ZNF382: variants seen among roughly 807,000 people sequenced by gnomAD.
ZNF382 encodes the protein KRAB/zinc finger suppressor protein 1.
In ZNF382, 20 loss-of-function variants were observed where a neutral mutation model predicts 38.8. The observed-to-expected ratio is 0.51, with a 90% confidence interval of 0.36 to 0.75. ZNF382 has a LOEUF of 0.75. ZNF382 is among the 30% of genes least tolerant of loss of function. ZNF382 has a pLI of 0.00. For synonymous variants in ZNF382, 202 were observed against 223.1 expected (o/e 0.91, Z 0.84); for missense variants, 546 against 654.1 (o/e 0.83, Z 1.80).
chr19:36,618,768 T>C (rs1026924233), intron 4 of ZNF382, among the ~76,000 whole-genome samples: 1 of 152,094 alleles, frequency 6.6e-6, no homozygotes, highest in African/African-American at 2.4e-5. Flanking sequence ...CCGGGCACAG[T>C]GGTTCATGTC....
At chr19:36,613,922 C>A (rs1488911391) in intron 4 of ZNF382, among the ~76,000 whole-genome samples, 1 of 152,316 alleles carries the variant, frequency 6.6e-6, no homozygotes, top group African/African-American at 2.4e-5. Context: ...TATTTTTGGA[C>A]AATCTGTTGT....
chr19:36,614,860 ATTTCTTTC>A (rs199859076), intron 4 of ZNF382, among the ~76,000 whole-genome samples: 1 of 137,196 alleles, frequency 7.3e-6, no homozygotes, highest in Non-Finnish European at 1.6e-5. Context: ...GCAATGAACC[ATTTCTTTC>A]TTTCTTTCTT....
At chr19:36,622,334 A>C (rs770925600) in intron 4 of ZNF382, among the ~76,000 whole-genome samples, 32 of 152,012 alleles carry the variant, frequency 2.1e-4, no homozygotes, top group Non-Finnish European at 4.0e-4. Context: ...CAGGTTTGAT[A>C]ATTTGCTGAA....
Position 36,628,444 on chromosome 19 carries a change from G to C in ZNF382, c.*894G>C, listed in dbSNP as rs1272530738. On this transcript the variant is annotated 3_prime_UTR_variant, in exon 5 of 5. Coordinates refer to ENST00000292928, the MANE Select transcript of ZNF382 (RefSeq NM_032825.5). ...AACAGCTATAAATTTTATCAATATG[G>C]TGCTGGTTCAAACCAGAGAATTCAT... is the stretch of plus-strand genomic sequence containing the variant. 1 of 153,034 alleles carries C rather than the reference G, an allele frequency of 6.5e-6. No individual in the cohort carries two copies. The highest frequency in any genetic ancestry group is 1.5e-5 in the Non-Finnish European group (1 of 68,128). The allele number at this position is 153,034 out of a possible 1,614,324, so 9.5% of individuals were successfully genotyped here. A position where few individuals can be genotyped will look rare whatever the true frequency, so the allele number is the denominator to read the frequency against.
At chr19:36,617,575 AT>A (rs1164560661) in intron 4 of ZNF382, among the ~76,000 whole-genome samples, 1 of 152,214 alleles carries the variant, frequency 6.6e-6, no homozygotes. Flanking sequence ...GAAAAACATT[AT>A]CCTGACACTT....
intron 2 of ZNF382, chr19:36,608,889 T>A (rs2037055319): frequency 6.6e-6 from 1 of 152,262 alleles, no homozygotes; most frequent in Non-Finnish European, 1.5e-5. Flanking sequence ...ACAGCCAATT[T>A]ACGACCATCT....
chr19:36,620,052 A>C (rs2037156977), intron 4 of ZNF382, among the ~76,000 whole-genome samples: 1 of 152,026 alleles, frequency 6.6e-6, no homozygotes, highest in Non-Finnish European at 1.5e-5. Flanking sequence ...TCTTAAACCT[A>C]TCAGAAAAAT....
rs1279948137 is a variant in ZNF382, at chr19:36,627,633, G to GT, written c.*86dup. 2.0e-6 allele frequency: 2 copies of GT among 1,008,010 alleles called. No individual in the cohort carries two copies. Among genetic ancestry groups the GT allele is most frequent in the East Asian group, 5.1e-5 (2 of 39,204 alleles). 62.4% of individuals were successfully genotyped at this position (1,008,010 alleles called of 1,614,324 possible). ...TTGCTTGCAAGCGTAATATCCAACA[G>GT]TTTAAGGTACTATACCACATGGTAA... On this transcript the variant is annotated 3_prime_UTR_variant, in exon 5 of 5. Coordinates refer to ENST00000292928, the MANE Select transcript of ZNF382 (RefSeq NM_032825.5).
rs1305551975 is a variant in ZNF382, at chr19:36,626,182, C to T, written c.285C>T (p.Asp95=). The part of the protein sequence containing the change: ...DVLVKFKEYQ[D]RHSRPLIFIN... ...TAGTGAAGTTCAAAGAATACCAAGA[C>T]AGGCATTCTAGACCCCTCATATTCA... Residue 95 remains aspartate (D), a synonymous_variant, in exon 5 of 5, where the codon GAC becomes GAT. Transcript: ENST00000292928. The T allele has an allele frequency of 3.2e-6, 5 of 1,574,126 alleles. No individual in the cohort carries two copies. In the East Asian group the frequency reaches 1.1e-4, roughly 35 times the overall value.
chr19:36,626,811 T>G lies in ZNF382; in HGVS notation c.914T>G (p.Phe305Cys). Residue 305 changes from phenylalanine to cysteine, a missense_variant, in exon 5 of 5, where the codon TTT (phenylalanine) becomes TGT (cysteine). Physicochemically the swap from Phe to Cys is radical, Grantham distance 205 (BLOSUM62 -2). Coordinates refer to ENST00000292928, the MANE Select transcript of ZNF382 (RefSeq NM_032825.5). ...PFHCPYCGNN[F>C]RRKSYLIEHQ... ...CACTGTCCTTACTGTGGGAATAACT[T>G]TAGAAGGAAGTCATACCTCATTGAA... 1 of 1,614,234 alleles carries G rather than the reference T, an allele frequency of 6.2e-7. No homozygotes were observed. The highest frequency in any genetic ancestry group is 8.5e-7 in the Non-Finnish European group (1 of 1,180,042).
At chr19:36,617,141 G>A (rs2037132106) in intron 4 of ZNF382, among the ~76,000 whole-genome samples, 1 of 152,170 alleles carries the variant, frequency 6.6e-6, no homozygotes, top group South Asian at 2.1e-4. Flanking sequence ...CAACTGAGAA[G>A]TTCCCATGGG....
intron 2 of ZNF382, 127 bp downstream of exon 2, chr19:36,607,749 C>A: frequency 2.0e-6 from 2 of 1,009,268 alleles, no homozygotes; most frequent in African/African-American, 1.6e-5. Context: ...CAGTCAGGGC[C>A]AGATTAGGCT....
chr19:36,611,605 CA>C (rs2037078641), intron 4 of ZNF382, among the ~76,000 whole-genome samples: 1 of 152,132 alleles, frequency 6.6e-6, no homozygotes, highest in Non-Finnish European at 1.5e-5. Flanking sequence ...CTGCTATGAA[CA>C]TGGGTGTACA....
At position 36,631,435 on chromosome 19, in the gene ZNF382, TG is replaced by T. The variant is rs1393625932; in HGVS notation, c.*3887del. 1.3e-5 allele frequency: 2 copies of T among 152,028 alleles called. No homozygotes were observed. Among genetic ancestry groups the T allele is most frequent in the African/African-American group, 4.8e-5 (2 of 41,374 alleles). 9.4% of individuals were successfully genotyped at this position (152,028 alleles called of 1,614,324 possible). ...CAGAGTCTCACTCTGTCGCCCAGGCTGGTGTGCAGTGGTGTGATCTCGGCTC... is the reference window on the plus strand; with the variant it reads ...CAGAGTCTCACTCTGTCGCCCAGGCTGTGTGCAGTGGTGTGATCTCGGCTC... On this transcript the variant is annotated 3_prime_UTR_variant, in exon 5 of 5. Transcript: ENST00000292928.
chr19:36,619,318 T>C (rs991041184), intron 4 of ZNF382, among the ~76,000 whole-genome samples: 3 of 152,160 alleles, frequency 2.0e-5, no homozygotes, highest in African/African-American at 7.2e-5. Flanking sequence ...CTCTACCTTT[T>C]GGGCTGAGTG....
At position 36,626,722 on chromosome 19, in the gene ZNF382, A is replaced by G. The variant is rs1326928501; in HGVS notation, c.825A>G (p.Lys275=). 6.2e-7 allele frequency: 1 copy of G among 1,614,016 alleles called. No individual in the cohort carries two copies. Among genetic ancestry groups the G allele is most frequent in the African/African-American group, 1.3e-5 (1 of 74,948 alleles). Residue 275 remains lysine, a synonymous_variant, in exon 5 of 5, where the codon AAA becomes AAG. Coordinates refer to ENST00000292928, the MANE Select transcript of ZNF382 (RefSeq NM_032825.5). The part of the protein sequence containing the change: ...KKPSAYNKYG[K]FLCRKPVFIM... Reference sequence around the variant, plus strand: ...CCTCTGCCTACAACAAATATGGGAAATTCCTCTGCAGAAAGCCTGTTTTTA... The same window carrying G: ...CCTCTGCCTACAACAAATATGGGAAGTTCCTCTGCAGAAAGCCTGTTTTTA...
chr19:36,627,647 A>G lies in ZNF382; in HGVS notation c.*97A>G. On this transcript the variant is annotated 3_prime_UTR_variant, in exon 5 of 5. Transcript: ENST00000292928. ...AATATCCAACAGTTTAAGGTACTAT[A>G]CCACATGGTAACCTACTGTTTGCCA... 1 of 813,580 alleles carries G rather than the reference A, an allele frequency of 1.2e-6. No homozygotes were observed. Among genetic ancestry groups the G allele is most frequent in the Non-Finnish European group, 1.9e-6 (1 of 516,046 alleles). 50.4% of individuals were successfully genotyped at this position (813,580 alleles called of 1,614,324 possible).
At position 36,629,380 on chromosome 19, in the gene ZNF382, A is replaced by G. The variant is rs1390208927; in HGVS notation, c.*1830A>G. On this transcript the variant is annotated 3_prime_UTR_variant, in exon 5 of 5. Coordinates refer to ENST00000292928, the MANE Select transcript of ZNF382 (RefSeq NM_032825.5). ...AGCCATCAGCTAGCATCAGCTGCCA[A>G]CCATGTAAGTGAGGCCTCTTGGACA... 2 of 152,148 alleles carry G rather than the reference A, an allele frequency of 1.3e-5. No homozygotes were observed. The highest frequency in any genetic ancestry group is 1.9e-4 in the East Asian group (1 of 5,174). 9.4% of individuals were successfully genotyped at this position (152,148 alleles called of 1,614,324 possible).
chr19:36,633,021 A>G lies in ZNF382; in HGVS notation c.*5471A>G, dbSNP rs1600400194. 1 of 150,308 alleles carries G rather than the reference A, an allele frequency of 6.7e-6. No individual in the cohort carries two copies. The highest frequency in any genetic ancestry group is 2.0e-4 in the East Asian group (1 of 5,122). 9.3% of individuals were successfully genotyped at this position (150,308 alleles called of 1,614,324 possible). On this transcript the variant is annotated 3_prime_UTR_variant, in exon 5 of 5. Coordinates refer to ENST00000292928, the MANE Select transcript of ZNF382 (RefSeq NM_032825.5). ...AACATGCACCTGGGATGTTCTAGAT[A>G]TTTATCAGTTTATAATCAGGCTTTT...
Sources: allele counts gnomAD v4.1 joint callset (sites outside exome capture counted in the v4.1 genomes callset), GRCh38; gene constraint gnomAD v4.1.1; transcripts MANE v1.5; gene names NCBI Gene and HGNC (gene_info 2026-07-23, HGNC 2026-07-21).